The following ARHGAP29 variants were observed in gnomAD, a reference collection of about 807,000 sequenced individuals.
ARHGAP29 encodes the protein Rho GTPase activating protein 29.
In ARHGAP29, 43 loss-of-function variants were observed where a neutral mutation model predicts 122.6. The observed-to-expected ratio is 0.35, with a 90% CI of 0.27 to 0.45. The LOEUF is 0.45. Ranked by LOEUF, ARHGAP29 falls within the 20% of genes least tolerant of loss-of-function variation. ARHGAP29 has a pLI of 1.00. For missense variants in ARHGAP29, 1,303 were observed against 1,477.2 expected (o/e 0.88, Z 1.93); for synonymous variants, 506 against 497.1 (o/e 1.02, Z -0.24).
chr1:94,284,906 G>C, the ARHGAP29 span, among the ~76,000 whole-genome samples: 1 of 152,172 alleles, frequency 6.6e-6, no homozygotes, highest in African/African-American at 2.4e-5. Flanking sequence ...TGGTTGCCCA[G>C]CATTGAACAC....
At chr1:94,248,831 T>C (rs1035337190) in intron 1 of ARHGAP29, among the ~76,000 whole-genome samples, 6 of 152,140 alleles carry the variant, frequency 3.9e-5, no homozygotes, top group Non-Finnish European at 8.8e-5. Flanking sequence ...GCCTCCTGAG[T>C]AGCTGGGACT....
At chr1:94,264,003 G>A (rs955563579) in intron 1 of ARHGAP29, among the ~76,000 whole-genome samples, 6 of 152,148 alleles carry the variant, frequency 3.9e-5, no homozygotes, top group South Asian at 2.1e-4. Context: ...TGTTAAAACC[G>A]AGCTTGCATC....
chr1:94,178,457 T>C (rs1026506670), intron 20 of ARHGAP29, among the ~76,000 whole-genome samples: 3 of 151,888 alleles, frequency 2.0e-5, no homozygotes, highest in Non-Finnish European at 2.9e-5. Flanking sequence ...TCTCAGTATA[T>C]GGTATATCCT....
At position 94,221,093 on chromosome 1, in the gene ARHGAP29, C is replaced by T. The variant is rs149975017; in HGVS notation, c.206-701G>A. On this transcript the variant is annotated intron_variant, in intron 2 of 22. Transcript: ENST00000260526. ...TCATTTACATCATCCTAGGTCAGAG[C>T]GATGCAGTTTTATTACACCTTAAAT... Among the ~76,000 whole-genome samples the T allele has an allele frequency of 1.6e-3, 238 of 152,172 alleles. 3 individuals are homozygous for T. The highest frequency in any genetic ancestry group is 5.3e-3 in the African/African-American group (220 of 41,512).
chr1:94,198,926 T>C (rs1650647498), intron 12 of ARHGAP29, among the ~76,000 whole-genome samples: 1 of 152,226 alleles, frequency 6.6e-6, no homozygotes, highest in Non-Finnish European at 1.5e-5. Context: ...CCACACTGTG[T>C]ACCTGATTTT....
intron 12 of ARHGAP29, among the ~76,000 whole-genome samples, chr1:94,198,598 A>G (rs1003986523): frequency 6.6e-6 from 1 of 152,200 alleles, no homozygotes; most frequent in Non-Finnish European, 1.5e-5. Flanking sequence ...AAATAAACAC[A>G]TACGTATATA....
At chr1:94,193,816 T>TA (rs1405937017) in intron 12 of ARHGAP29, 1 of 152,210 alleles carries the variant, frequency 6.6e-6, no homozygotes, top group Non-Finnish European at 1.5e-5. Flanking sequence ...GACAAAGTGT[T>TA]ACCAGAGGAA....
chr1:94,200,837 TA>T lies in ARHGAP29; in HGVS notation c.1281+882del, dbSNP rs1417560123. On this transcript the variant is annotated intron_variant, in intron 12 of 22. Transcript: ENST00000260526. ...GACAATCTGGAAAAGACCAAACTCA[TA>T]AGGCAGAGAACAGATCAGTACTTGC... Among the ~76,000 whole-genome samples, 3 of 152,144 alleles carry T rather than the reference TA, an allele frequency of 2.0e-5. No homozygotes were observed. The East Asian group carries it at 5.8e-4, about 29-fold the overall frequency.
intron 11 of ARHGAP29, 45 bp downstream of exon 11, chr1:94,202,499 T>C: frequency 1.2e-6 from 2 of 1,604,366 alleles, no homozygotes; most frequent in African/African-American, 1.3e-5. Flanking sequence ...TCCTGGCAGA[T>C]TACCGCTAAT....
Position 94,174,005 on chromosome 1 carries a change from C to T in ARHGAP29, c.3650G>A (p.Gly1217Glu), listed in dbSNP as rs1648918934. The change falls in exon 23 of 23, where the codon GGG (glycine) becomes GAG (glutamate). Residue 1217 changes from glycine (G) to glutamate (E), a missense_variant. Physicochemically the swap from Gly to Glu is moderately conservative, Grantham distance 98 (BLOSUM62 -2). Around this residue, in one of 3 missense-constraint regions of ARHGAP29, gnomAD observed 620 missense variants for 651.2 expected, o/e 0.95. Coordinates refer to ENST00000260526, the MANE Select transcript of ARHGAP29 (RefSeq NM_004815.4). ...PDPDKASACP[G>E]QATGQPKEDS... ...TTCTTTAGGTTGACCAGTTGCTTGCCCAGGACAAGCTGATGCTTTGTCTGG... is the reference window on the plus strand; with the variant it reads ...TTCTTTAGGTTGACCAGTTGCTTGCTCAGGACAAGCTGATGCTTTGTCTGG... The T allele has an allele frequency of 6.2e-7, 1 of 1,614,156 alleles. No homozygotes were observed. Among genetic ancestry groups the T allele is most frequent in the African/African-American group, 1.3e-5 (1 of 75,042 alleles).
At chr1:94,209,391 T>C in intron 3 of ARHGAP29, 41 bp from the exon 4 acceptor site, 1 of 1,235,320 alleles carries the variant, frequency 8.1e-7, no homozygotes, top group Non-Finnish European at 1.2e-6. Flanking sequence ...AAACATACTT[T>C]AAACTAGATT....
At chr1:94,288,245 C>G in the ARHGAP29 span, among the ~76,000 whole-genome samples, 1 of 152,156 alleles carries the variant, frequency 6.6e-6, no homozygotes. Flanking sequence ...CTCTGATGAC[C>G]AGTGATGATG....
At chr1:94,271,817 T>C (rs1466280924) in intron 1 of ARHGAP29, among the ~76,000 whole-genome samples, 27 of 152,198 alleles carry the variant, frequency 1.8e-4, no homozygotes. Flanking sequence ...AAGGAAGCAC[T>C]CTCTTACTTC....
intron 1 of ARHGAP29, among the ~76,000 whole-genome samples, chr1:94,231,845 A>G (rs1425955021): frequency 6.6e-6 from 1 of 152,186 alleles, no homozygotes; most frequent in Non-Finnish European, 1.5e-5. Context: ...TTTATTAAAT[A>G]CCAGTAATTC....
At position 94,202,739 on chromosome 1, in the gene ARHGAP29, C is replaced by T. The variant is rs1650927737; in HGVS notation, c.955-7G>A. 1 of 1,610,886 alleles carries T rather than the reference C, an allele frequency of 6.2e-7. No homozygotes were observed. On this transcript the variant is annotated splice_polypyrimidine_tract_variant and splice_region_variant and intron_variant, in intron 10 of 22. Transcript: ENST00000260526. Reference sequence around the variant, plus strand: ...GAGCATTCTCTGCTTCAAGCTACACCGAAAAGAGTATTAAACACAGAATAT... The same window carrying T: ...GAGCATTCTCTGCTTCAAGCTACACTGAAAAGAGTATTAAACACAGAATAT...
At chr1:94,180,408 TTATC>T (rs1649380229) in intron 19 of ARHGAP29, among the ~76,000 whole-genome samples, 1 of 152,194 alleles carries the variant, frequency 6.6e-6, no homozygotes, top group Admixed American at 6.5e-5. Context: ...AACATTTTAT[TTATC>T]TAATTTTTTA....
intron 2 of ARHGAP29, among the ~76,000 whole-genome samples, chr1:94,230,642 T>C (rs1477829827): frequency 6.6e-6 from 1 of 151,848 alleles, no homozygotes; most frequent in Non-Finnish European, 1.5e-5. Context: ...AGAGGTCTCA[T>C]ATAAATAACA....
intron 1 of ARHGAP29, among the ~76,000 whole-genome samples, chr1:94,254,774 A>G (rs966150026): frequency 5.3e-5 from 8 of 152,350 alleles, no homozygotes; most frequent in Admixed American, 4.6e-4. Context: ...GGATTCCAGA[A>G]GGACCCTGTG....
chr1:94,285,873 C>CAAA, the ARHGAP29 span, among the ~76,000 whole-genome samples: 2 of 72,618 alleles, frequency 2.8e-5, no homozygotes, highest in Non-Finnish European at 2.9e-5. Context: ...GACTCTGTCT[C>CAAA]AAAAAAAAAA....
Sources: allele counts gnomAD v4.1 joint callset (sites outside exome capture counted in the v4.1 genomes callset), GRCh38; gene constraint gnomAD v4.1.1; regional missense constraint gnomAD v4.1.1; transcripts MANE v1.5; gene names NCBI Gene and HGNC (gene_info 2026-07-23, HGNC 2026-07-21).